Variants in HS6ST3 observed in about 807,000 individuals in gnomAD.
The protein encoded by HS6ST3 is heparan-sulfate 6-O-sulfotransferase 3.
In HS6ST3, 12 loss-of-function variants were observed where a neutral mutation model predicts 36.7. The observed-to-expected ratio is 0.33, with a 90% CI of 0.21 to 0.53. The LOEUF is 0.53. HS6ST3 is among the 20% of genes least tolerant of loss of function. HS6ST3 has a pLI of 0.95. For missense variants in HS6ST3, 584 were observed against 640.9 expected (o/e 0.91, Z 0.96); for synonymous variants, 240 against 257.5 (o/e 0.93, Z 0.65).
chr13:96,765,749 T>A lies in HS6ST3; in HGVS notation c.708-66741T>A, dbSNP rs567292413. On this transcript the variant is annotated intron_variant, in intron 1 of 1. Transcript: ENST00000376705. Reference sequence around the variant, plus strand: ...TGTATTCAACAAAAGCTTTGTGTACTAAATATAGACTGAGTTTTAAAGAGC... The same window carrying A: ...TGTATTCAACAAAAGCTTTGTGTACAAAATATAGACTGAGTTTTAAAGAGC... 1.1e-3 allele frequency among the ~76,000 whole-genome samples: 169 copies of A among 152,280 alleles called. 1 individual carries two copies. The highest frequency in any genetic ancestry group is 2.0e-3 in the Non-Finnish European group (134 of 68,004).
chr13:96,293,100 G>A (rs1444645595), intron 1 of HS6ST3, among the ~76,000 whole-genome samples: 1 of 151,960 alleles, frequency 6.6e-6, no homozygotes, highest in East Asian at 1.9e-4. Context: ...TATTTATGAA[G>A]TAATAGTGCC....
At chr13:96,631,255 G>A (rs761332499) in intron 1 of HS6ST3, among the ~76,000 whole-genome samples, 30 of 152,114 alleles carry the variant, frequency 2.0e-4, no homozygotes, top group Non-Finnish European at 4.3e-4. Flanking sequence ...TTTTATTCTA[G>A]CATAGTTTAT....
At chr13:96,318,961 T>C (rs147493914) in intron 1 of HS6ST3, among the ~76,000 whole-genome samples, 130 of 152,304 alleles carry the variant, frequency 8.5e-4, no homozygotes, top group African/African-American at 3.0e-3. Flanking sequence ...TTAAAAAAAA[T>C]AGCCTTATTA....
chr13:96,379,912 A>C (rs1317595713), intron 1 of HS6ST3, among the ~76,000 whole-genome samples: 1 of 152,074 alleles, frequency 6.6e-6, no homozygotes, highest in Admixed American at 6.5e-5. Context: ...TCTTTTTTTC[A>C]GAAGTGAATC....
chr13:96,755,315 T>C (rs1480172403), intron 1 of HS6ST3, among the ~76,000 whole-genome samples: 1 of 152,202 alleles, frequency 6.6e-6, no homozygotes, highest in Non-Finnish European at 1.5e-5. Flanking sequence ...GACTCATTCA[T>C]GCAGCTGCAT....
chr13:96,766,331 G>A (rs747742202), intron 1 of HS6ST3, among the ~76,000 whole-genome samples: 2 of 152,212 alleles, frequency 1.3e-5, no homozygotes, highest in East Asian at 1.9e-4. Context: ...CCCTGACTGC[G>A]GCAGATTTCC....
At chr13:96,471,407 G>A (rs2055839532) in intron 1 of HS6ST3, among the ~76,000 whole-genome samples, 1 of 152,178 alleles carries the variant, frequency 6.6e-6, no homozygotes, top group South Asian at 2.1e-4. Flanking sequence ...AGAGACAAGT[G>A]GTAGAAACGT....
intron 1 of HS6ST3, among the ~76,000 whole-genome samples, chr13:96,599,359 C>G (rs759990399): frequency 6.6e-6 from 1 of 152,014 alleles, no homozygotes; most frequent in Non-Finnish European, 1.5e-5. Flanking sequence ...CTTCCTGATT[C>G]AGGCTTGGAA....
chr13:96,765,362 G>A (rs769748318), intron 1 of HS6ST3, among the ~76,000 whole-genome samples: 5 of 152,042 alleles, frequency 3.3e-5, no homozygotes, highest in Non-Finnish European at 5.9e-5. Flanking sequence ...GTGAACCACC[G>A]CACCCGGCCA....
intron 1 of HS6ST3, among the ~76,000 whole-genome samples, chr13:96,267,261 A>G (rs2054697020): frequency 6.6e-6 from 1 of 151,744 alleles, no homozygotes; most frequent in Non-Finnish European, 1.5e-5. Flanking sequence ...TAAATCATCC[A>G]CTCTTGGGTA....
intron 1 of HS6ST3, among the ~76,000 whole-genome samples, chr13:96,519,516 G>T (rs1292935281): frequency 6.6e-6 from 1 of 152,188 alleles, no homozygotes. Context: ...ACATTTCTTG[G>T]ATTCCAACAA....
chr13:96,566,993 T>C (rs1196413868), intron 1 of HS6ST3, among the ~76,000 whole-genome samples: 1 of 152,114 alleles, frequency 6.6e-6, no homozygotes, highest in Non-Finnish European at 1.5e-5. Context: ...CAAAAATAAC[T>C]ATGTTCCATA....
At chr13:96,604,977 G>A (rs1318011996) in intron 1 of HS6ST3, among the ~76,000 whole-genome samples, 1 of 152,106 alleles carries the variant, frequency 6.6e-6, no homozygotes, top group African/African-American at 2.4e-5. Flanking sequence ...TTGGAGACCT[G>A]ATTGGTGTAG....
At chr13:96,294,931 G>A (rs188060879) in intron 1 of HS6ST3, among the ~76,000 whole-genome samples, 30 of 152,152 alleles carry the variant, frequency 2.0e-4, no homozygotes, top group Non-Finnish European at 2.6e-4. Context: ...ATCCTTAATA[G>A]CATTGCTATA....
At chr13:96,674,132 C>T (rs1369835182) in intron 1 of HS6ST3, among the ~76,000 whole-genome samples, 1 of 152,018 alleles carries the variant, frequency 6.6e-6, no homozygotes, top group African/African-American at 2.4e-5. Context: ...ATGGGTGTGG[C>T]TTCCCCTTGC....
At chr13:96,531,525 G>A (rs1353408785) in intron 1 of HS6ST3, among the ~76,000 whole-genome samples, 3 of 152,162 alleles carry the variant, frequency 2.0e-5, no homozygotes, top group African/African-American at 7.2e-5. Flanking sequence ...ATTATAAGAA[G>A]CCTTGAGCTG....
intron 1 of HS6ST3, among the ~76,000 whole-genome samples, chr13:96,648,215 C>CA (rs1325226382): frequency 1.3e-5 from 2 of 152,030 alleles, no homozygotes; most frequent in East Asian, 3.9e-4. Context: ...CAGCACAACA[C>CA]AAGCTGTCAC....
At chr13:96,601,751 A>G (rs2056422473) in intron 1 of HS6ST3, among the ~76,000 whole-genome samples, 1 of 151,868 alleles carries the variant, frequency 6.6e-6, no homozygotes. Context: ...TATTGTGATT[A>G]TTTCTTAATT....
At chr13:96,121,848 G>A (rs1307578786) in intron 1 of HS6ST3, among the ~76,000 whole-genome samples, 1 of 152,060 alleles carries the variant, frequency 6.6e-6, no homozygotes, top group Non-Finnish European at 1.5e-5. Context: ...GTTACTCCAT[G>A]TTGGTTACTA....
Sources: gnomAD v4.1 joint callset for allele counts (sites outside exome capture counted in the v4.1 genomes callset) on GRCh38, gnomAD v4.1.1 for gene constraint, MANE v1.5 for transcripts, NCBI Gene and HGNC (gene_info 2026-07-23, HGNC 2026-07-21) for gene names.